The following ALKBH3 variants were observed in gnomAD, a reference collection of about 807,000 sequenced individuals.
ALKBH3 encodes the protein alkB homolog 3, alpha-ketoglutarate dependent dioxygenase.
In ALKBH3, 51 loss-of-function variants were observed where a neutral mutation model predicts 43.9. The observed-to-expected ratio is 1.16, with a 90% CI of 0.93 to 1.47. ALKBH3 has a LOEUF of 1.47. Among genes scored for constraint, ALKBH3 ranks in the 40% most tolerant of loss-of-function variants. The pLI is 0.00. For synonymous variants in ALKBH3, 102 were observed against 115.2 expected, an observed-to-expected ratio of 0.89 and a Z score of 0.73; for missense variants, 361 against 351.9, an observed-to-expected ratio of 1.03 and a Z score of -0.21.
At chr11:43,902,809 C>G (rs1051563164) in intron 8 of ALKBH3, among the ~76,000 whole-genome samples, 1 of 152,184 alleles carries the variant, frequency 6.6e-6, no homozygotes, top group African/African-American at 2.4e-5. Flanking sequence ...GTTGGCCAGG[C>G]TGTTCTCAAA....
intron 8 of ALKBH3, among the ~76,000 whole-genome samples, chr11:43,909,065 A>G (rs1951917451): frequency 6.6e-6 from 1 of 152,234 alleles, no homozygotes; most frequent in Non-Finnish European, 1.5e-5. Context: ...AAAAATCAGG[A>G]AAGAGTTTTA....
At chr11:43,898,005 A>G in intron 7 of ALKBH3, 1 of 840,362 alleles carries the variant, frequency 1.2e-6, no homozygotes, top group East Asian at 2.4e-5. Flanking sequence ...CTTCAGAGAC[A>G]TCTTCGTCAT....
chr11:43,887,532 A>G (rs1349244223), intron 5 of ALKBH3, among the ~76,000 whole-genome samples: 1 of 151,796 alleles, frequency 6.6e-6, no homozygotes, highest in East Asian at 1.9e-4. Context: ...CTGGTCTCGA[A>G]CTCCTGACCT....
intron 4 of ALKBH3, 95 bp downstream of exon 4, chr11:43,884,112 G>A (rs955922598): frequency 2.1e-6 from 3 of 1,444,334 alleles, no homozygotes; most frequent in Non-Finnish European, 2.9e-6. Flanking sequence ...GAAGAGAATG[G>A]CCCAATAAGT....
At chr11:43,900,524 T>G (rs1160537658) in intron 7 of ALKBH3, among the ~76,000 whole-genome samples, 1 of 152,160 alleles carries the variant, frequency 6.6e-6, no homozygotes, top group African/African-American at 2.4e-5. Context: ...GCCTGGCCTG[T>G]CCTTGCATTT....
chr11:43,891,925 A>G (rs1391836052), intron 6 of ALKBH3, 116 bp from the exon 7 acceptor site: 5 of 756,950 alleles, frequency 6.6e-6, no homozygotes, highest in African/African-American at 1.8e-5. Context: ...GTCACAGCCC[A>G]TTCTTACTTT....
chr11:43,907,667 G>A (rs145389623), intron 8 of ALKBH3, among the ~76,000 whole-genome samples: 120 of 152,258 alleles, frequency 7.9e-4, no homozygotes, highest in African/African-American at 2.8e-3. Context: ...TCTCACCGAG[G>A]CAGAGAAGAG....
At chr11:43,907,712 C>A (rs1334284691) in intron 8 of ALKBH3, among the ~76,000 whole-genome samples, 1 of 152,088 alleles carries the variant, frequency 6.6e-6, no homozygotes, top group Non-Finnish European at 1.5e-5. Flanking sequence ...GGAGGCCCTG[C>A]CCTGGAGCAG....
chr11:43,920,028 A>C lies in ALKBH3; in HGVS notation c.*18A>C. ...CCTGGTGACGTCAGAGCTTTGAGAG[A>C]GAAGCTTCACTGAAACGGAGCAAAC... On this transcript the variant is annotated 3_prime_UTR_variant, in exon 10 of 10. Coordinates refer to ENST00000302708, the MANE Select transcript of ALKBH3 (RefSeq NM_139178.4). 1.2e-6 allele frequency: 2 copies of C among 1,603,828 alleles called. No individual in the cohort carries two copies. The highest frequency in any genetic ancestry group is 1.7e-6 in the Non-Finnish European group (2 of 1,170,974).
At chr11:43,915,810 G>C (rs1402437685) in intron 8 of ALKBH3, among the ~76,000 whole-genome samples, 2 of 152,170 alleles carry the variant, frequency 1.3e-5, no homozygotes, top group Non-Finnish European at 2.9e-5. Flanking sequence ...ATAAACTCTG[G>C]ATGATAGGAT....
rs1343211355 is a variant in ALKBH3 at position 43,880,847 on chromosome 11, T to A, written c.-403T>A. 1 of 152,178 alleles carries A rather than the reference T, an allele frequency of 6.6e-6. No individual in the cohort carries two copies. Among genetic ancestry groups the A allele is most frequent in the Non-Finnish European group, 1.5e-5 (1 of 68,046 alleles). 9.4% of individuals were successfully genotyped at this position (152,178 alleles called of 1,614,324 possible). ...CGGTGCTTCACTCTTAAGGTTCCGA[T>A]CACAGACTGCGGAGTGGGTCAGGGG... On this transcript the variant is annotated 5_prime_UTR_variant, in exon 1 of 10. Transcript: ENST00000302708.
At chr11:43,914,860 G>A (rs923957901) in intron 8 of ALKBH3, among the ~76,000 whole-genome samples, 2 of 152,034 alleles carry the variant, frequency 1.3e-5, no homozygotes, top group African/African-American at 4.8e-5. Flanking sequence ...GACATGAACA[G>A]AGAGTGTTCA....
At chr11:43,915,088 A>T (rs951495717) in intron 8 of ALKBH3, among the ~76,000 whole-genome samples, 5 of 151,862 alleles carry the variant, frequency 3.3e-5, no homozygotes, top group African/African-American at 1.2e-4. Context: ...GGCACCTGTA[A>T]TCCCAGCTAC....
intron 8 of ALKBH3, among the ~76,000 whole-genome samples, chr11:43,907,583 A>G (rs72904272): frequency 1.3e-5 from 2 of 152,184 alleles, no homozygotes; most frequent in Non-Finnish European, 2.9e-5. Context: ...ACTCTTAAGG[A>G]CTATTCCTAA....
In ALKBH3 at chr11:43,892,223, A is replaced by G. The variant is rs1951789071; in HGVS notation, c.459+94A>G. ...ACAACAAATTACCTTGCAGAGATTC[A>G]TGCTGGTTCCTAGTTCAAAAAACCT... On this transcript the variant is annotated intron_variant, in intron 7 of 9. Transcript: ENST00000302708. 4 of 1,099,208 alleles carry G rather than the reference A, an allele frequency of 3.6e-6. No individual in the cohort carries two copies. The African/African-American group carries it at 4.8e-5, about 13-fold the overall frequency. The allele number at this position is 1,099,208 out of a possible 1,614,324, so 68.1% of individuals were successfully genotyped here. A position where few individuals can be genotyped will look rare whatever the true frequency, so the allele number is the denominator to read the frequency against.
At chr11:43,890,236 G>T (rs1273138800) in intron 6 of ALKBH3, among the ~76,000 whole-genome samples, 1 of 151,984 alleles carries the variant, frequency 6.6e-6, no homozygotes, top group African/African-American at 2.4e-5. Context: ...CACACTCCTT[G>T]CTGACTTTGT....
chr11:43,911,492 G>T (rs908218123), intron 8 of ALKBH3, among the ~76,000 whole-genome samples: 2 of 152,174 alleles, frequency 1.3e-5, no homozygotes, highest in African/African-American at 4.8e-5. Flanking sequence ...AGTCGACTGT[G>T]TAAGTCTGGA....
At chr11:43,885,712 C>T (rs1951741973) in intron 4 of ALKBH3, among the ~76,000 whole-genome samples, 2 of 152,216 alleles carry the variant, frequency 1.3e-5, no homozygotes, top group Non-Finnish European at 2.9e-5. Context: ...TGTGCAGACA[C>T]TGGGAAGCAA....
At position 43,892,074 on chromosome 11, in the gene ALKBH3, G is replaced by A. The variant is rs1198942272; in HGVS notation, c.404G>A (p.Trp135Ter). ...ITYQQPRLTA[W>*]YGELPYTYSR... ...TATCAGCAACCAAGACTTACAGCATGGTATGGAGAACTTCCTTACACTTAT... is the reference window on the plus strand; with the variant it reads ...TATCAGCAACCAAGACTTACAGCATAGTATGGAGAACTTCCTTACACTTAT... The change falls in exon 7 of 10, where the codon TGG becomes TAG. Residue 135 changes from tryptophan (W) to a stop codon, truncating the protein, a stop_gained. Coordinates refer to ENST00000302708, the MANE Select transcript of ALKBH3 (RefSeq NM_139178.4). LOFTEE classifies it high-confidence loss of function. 6.2e-7 allele frequency: 1 copy of A among 1,613,566 alleles called. No homozygotes were observed. Among genetic ancestry groups the A allele is most frequent in the Non-Finnish European group, 8.5e-7 (1 of 1,179,576 alleles).
Sources: gnomAD v4.1 joint callset for allele counts (sites outside exome capture counted in the v4.1 genomes callset) on GRCh38, gnomAD v4.1.1 for gene constraint, MANE v1.5 for transcripts, NCBI Gene and HGNC (gene_info 2026-07-23, HGNC 2026-07-21) for gene names.